CSF1R: variants seen among roughly 807,000 people sequenced by gnomAD.
CSF1R encodes colony stimulating factor 1 receptor, also known as macrophage colony-stimulating factor 1 receptor.
A neutral mutation model predicts 110.0 loss-of-function variants in CSF1R; 40 were observed. That is an observed-to-expected ratio of 0.36 (90% CI 0.28 to 0.47). The LOEUF (loss-of-function observed/expected upper bound fraction) is 0.47. Among genes scored for constraint, CSF1R ranks in the 20% least tolerant of loss-of-function variants. The probability of loss-of-function intolerance (pLI) is 0.99; values close to 1 mark genes in which losing one functional copy is unlikely to be tolerated. For missense variants in CSF1R, 1,052 were observed against 1,253.0 expected, an observed-to-expected ratio of 0.84 and a Z score of 2.42; for synonymous variants, 523 against 503.4, an observed-to-expected ratio of 1.04 and a Z score of -0.52.
At chr5:150,099,159 C>T (rs924975122) in intron 1 of CSF1R, among the ~76,000 whole-genome samples, 10 of 151,332 alleles carry the variant, frequency 6.6e-5, no homozygotes, top group Middle Eastern at 3.4e-3. Flanking sequence ...CTGCCCACCT[C>T]GGCCTCCCAA....
At chr5:150,071,931 A>G (rs1758051478) in intron 6 of CSF1R, among the ~76,000 whole-genome samples, 1 of 152,238 alleles carries the variant, frequency 6.6e-6, no homozygotes, top group Admixed American at 6.5e-5. Flanking sequence ...GTGGGAATCA[A>G]TGAGGTTTGG....
rs1411710710 is a variant in CSF1R, at chr5:150,086,431, C to T, written c.-4G>A. 1.9e-6 allele frequency: 3 copies of T among 1,609,678 alleles called. No homozygotes were observed. The highest frequency in any genetic ancestry group is 1.1e-5 in the South Asian group (1 of 89,586). On this transcript the variant is annotated 5_prime_UTR_variant, in exon 1 of 21. Coordinates refer to ENST00000675795, the MANE Select transcript of CSF1R (RefSeq NM_001288705.3). ...GCAGCAGAACTCCTGGGCCCATGGC[C>T]TCGGTGGGGAAGTGGCAGGCAGGTG... is the stretch of plus-strand genomic sequence containing the variant.
Position 150,056,232 on chromosome 5 carries a change from A to G in CSF1R, c.2429T>C (p.Ile810Thr). 1.2e-6 allele frequency: 2 copies of G among 1,614,124 alleles called. No homozygotes were observed. Among genetic ancestry groups the G allele is most frequent in the Non-Finnish European group, 1.7e-6 (2 of 1,180,010 alleles). ...CCCAGCACTTACATTGCCCTTGACA[A>G]TGTAGTTGGAGTCATTCATGATGTC... ...ARDIMNDSNYIVKGNARLPVK... is the reference protein window; with the variant it reads ...ARDIMNDSNYTVKGNARLPVK... Residue 810 changes from isoleucine to threonine, a missense_variant, in exon 17 of 21, where the codon ATT (isoleucine) becomes ACT (threonine). Coordinates refer to ENST00000675795, the MANE Select transcript of CSF1R (RefSeq NM_001288705.3).
At chr5:150,090,611 C>T (rs1201077618), upstream of CSF1R, among the ~76,000 whole-genome samples, 1 of 152,094 alleles carries the variant, frequency 6.6e-6, no homozygotes, top group African/African-American at 2.4e-5. Context: ...TAGCTAAAGC[C>T]ACTCTATTGT....
intron 3 of CSF1R, 71 bp downstream of exon 3, chr5:150,079,981 C>T: frequency 6.4e-7 from 1 of 1,554,400 alleles, no homozygotes; most frequent in South Asian, 1.2e-5. Context: ...TCCCCAGTCA[C>T]CACCCATGTG....
At chr5:150,076,271 G>A (rs1359254738) in intron 5 of CSF1R, among the ~76,000 whole-genome samples, 1 of 152,040 alleles carries the variant, frequency 6.6e-6, no homozygotes, top group African/African-American at 2.4e-5. Context: ...ACTATCTCCT[G>A]GTGCACACTT....
At position 150,056,454 on chromosome 5, in the gene CSF1R, A is replaced by G. The variant is rs1195431839; in HGVS notation, c.2320-113T>C. 4 of 1,374,416 alleles carry G rather than the reference A, an allele frequency of 2.9e-6. No homozygotes were observed. In the Admixed American group the frequency reaches 8.3e-5, roughly 28 times the overall value. The allele number at this position is 1,374,416 out of a possible 1,614,324, so 85.1% of individuals were successfully genotyped here. On this transcript the variant is annotated intron_variant, in intron 16 of 20. Coordinates refer to ENST00000675795, the MANE Select transcript of CSF1R (RefSeq NM_001288705.3). The stretch of plus-strand genomic sequence containing the variant: ...TTTGGAGTCCCTGCTGGAGTGAACA[A>G]CAGTTTTGGTCCTTTACCACAAACC...
At position 150,057,611 on chromosome 5, in the gene CSF1R, T is replaced by TG. The variant is rs750645188; in HGVS notation, c.2133-20dup. Reference sequence around the variant, plus strand: ...ACTGTCCCTACATAGGAGAGAGGGTTGGGGGGCAGAGGTCACTCATCATCA... The same window carrying TG: ...ACTGTCCCTACATAGGAGAGAGGGTTGGGGGGGCAGAGGTCACTCATCATCA... On this transcript the variant is annotated intron_variant, in intron 14 of 20. Transcript: ENST00000675795. 16 of 1,604,758 alleles carry TG rather than the reference T, an allele frequency of 1.0e-5. No individual in the cohort carries two copies. The Admixed American group carries it at 1.0e-4, about 10-fold the overall frequency.
chr5:150,054,156 C>T lies in CSF1R; in HGVS notation c.2832G>A (p.Glu944=). The T allele has an allele frequency of 1.2e-6, 2 of 1,613,468 alleles. No homozygotes were observed. Among genetic ancestry groups the T allele is most frequent in the Non-Finnish European group, 1.7e-6 (2 of 1,179,796 alleles). ...AGGTCAGGTGCTCACTAGAGCTCTC[C>T]TCCTCCAGCTCACTGCTGCTGCTGC... ...GSGSSSSELE[E]ESSSEHLTCC... is the part of the protein sequence containing the mutation. The change falls in exon 21 of 21, where the codon GAG becomes GAA. Residue 944 remains glutamate (E), a synonymous_variant. Coordinates refer to ENST00000675795, the MANE Select transcript of CSF1R (RefSeq NM_001288705.3).
chr5:150,108,010 G>A (rs886669869), intron 1 of CSF1R, among the ~76,000 whole-genome samples: 2 of 152,198 alleles, frequency 1.3e-5, no homozygotes, highest in African/African-American at 2.4e-5. Flanking sequence ...GGGATCACCG[G>A]AGAGAAGAGT....
Position 150,070,799 on chromosome 5 carries a change from C to A in CSF1R, c.1083-228G>T, listed in dbSNP as rs117395118. Among the ~76,000 whole-genome samples the A allele has an allele frequency of 2.5e-4, 38 of 152,228 alleles. 1 individual carries two copies. Among genetic ancestry groups the A allele is most frequent in the Middle Eastern group, 3.4e-3 (1 of 294 alleles). On this transcript the variant is annotated intron_variant, in intron 6 of 20. Transcript: ENST00000675795. ...TTCTTATCTGAAAGTGTTTTTTTCC[C>A]GAGGTTTAATAGAGGTGATGTCTTC... is the stretch of plus-strand genomic sequence containing the variant.
At chr5:150,096,660 G>C (rs1433049062) in intron 1 of CSF1R, among the ~76,000 whole-genome samples, 3 of 152,180 alleles carry the variant, frequency 2.0e-5, no homozygotes, top group Non-Finnish European at 4.4e-5. Flanking sequence ...TATTATAAGA[G>C]TTAAAGGTTG....
chr5:150,068,811 A>G (rs558949127), intron 9 of CSF1R, among the ~76,000 whole-genome samples: 1 of 152,168 alleles, frequency 6.6e-6, no homozygotes, highest in Non-Finnish European at 1.5e-5. Context: ...CTAGCAAGCC[A>G]GGCTTGTGGC....
chr5:150,075,440 C>T lies in CSF1R; in HGVS notation c.889+1836G>A, dbSNP rs145473010. Among the ~76,000 whole-genome samples the T allele has an allele frequency of 2.9e-4, 44 of 152,330 alleles. 1 individual carries two copies. In the East Asian group the frequency reaches 8.1e-3, roughly 28 times the overall value. ...CCCGCAGCCACACTGGCCCACTTGT[C>T]CCCTGAACATGGCAAGCACAGTCCC... On this transcript the variant is annotated intron_variant, in intron 5 of 20. Coordinates refer to ENST00000675795, the MANE Select transcript of CSF1R (RefSeq NM_001288705.3).
intron 13 of CSF1R, among the ~76,000 whole-genome samples, chr5:150,060,329 GA>G (rs1176966626): frequency 3.9e-3 from 418 of 106,472 alleles, no homozygotes; most frequent in Non-Finnish European, 5.9e-3. Flanking sequence ...TCCGTCTCAA[GA>G]AAAAAAAAAC....
rs1758508357 is a variant in CSF1R at position 150,080,879 on chromosome 5, G to A, written c.195C>T (p.Ser65=). The A allele has an allele frequency of 2.0e-5, 33 of 1,614,170 alleles. No individual in the cohort carries two copies. The highest frequency in any genetic ancestry group is 2.7e-5 in the Non-Finnish European group (32 of 1,180,032). The change falls in exon 2 of 21, where the codon TCC becomes TCT. Residue 65 remains serine, a synonymous_variant. Transcript: ENST00000675795. ...SPHWTLYSDG[S]SSILSTNNAT... The stretch of plus-strand genomic sequence containing the variant: ...CGTTGTTGGTGCTGAGGATGCTGCT[G>A]GAGCCATCAGAGTACAGGGTCCAGT...
Position 150,053,488 on chromosome 5 carries a change from A to G in CSF1R, c.*581T>C. The G allele has an allele frequency of 4.2e-6, 1 of 237,508 alleles. No homozygotes were observed. The highest frequency in any genetic ancestry group is 8.3e-6 in the Non-Finnish European group (1 of 120,240). 14.7% of individuals were successfully genotyped at this position (237,508 alleles called of 1,614,324 possible). ...ACTTTTAGCTGCCACTTGGCTCATTACAGCAGTACCAGTATGGGGGTGGGA... is the reference window on the plus strand; with the variant it reads ...ACTTTTAGCTGCCACTTGGCTCATTGCAGCAGTACCAGTATGGGGGTGGGA... On this transcript the variant is annotated 3_prime_UTR_variant, in exon 21 of 21. Transcript: ENST00000675795.
At position 150,061,160 on chromosome 5, in the gene CSF1R, G is replaced by GA. The variant is rs1581290273; in HGVS notation, c.1859-189dup. ...ACACAGATGGCAGAGAGAGAGAGAG[G>GA]AGGGATGAGCCTGTCACTGAGCTGG... On this transcript the variant is annotated intron_variant, in intron 12 of 20. Coordinates refer to ENST00000675795, the MANE Select transcript of CSF1R (RefSeq NM_001288705.3). 3.3e-5 allele frequency among the ~76,000 whole-genome samples: 5 copies of GA among 151,384 alleles called. No individual in the cohort carries two copies. The East Asian group carries it at 9.7e-4, about 29-fold the overall frequency.
chr5:150,099,827 A>G (rs1253762917), intron 1 of CSF1R, among the ~76,000 whole-genome samples: 1 of 152,220 alleles, frequency 6.6e-6, no homozygotes, highest in East Asian at 1.9e-4. Context: ...ACATTTGTCA[A>G]AAGTAGCAGA....
Sources: gnomAD v4.1 joint callset for allele counts (sites outside exome capture counted in the v4.1 genomes callset) on GRCh38, gnomAD v4.1.1 for gene constraint, MANE v1.5 for transcripts, NCBI Gene and HGNC (gene_info 2026-07-23, HGNC 2026-07-21) for gene names.